The following EIF2AK4 variants were observed in gnomAD, a reference collection of about 807,000 sequenced individuals.
The protein encoded by EIF2AK4 is eIF-2-alpha kinase GCN2.
In EIF2AK4, 139 loss-of-function variants were observed where a neutral mutation model predicts 211.1. The observed-to-expected ratio is 0.66, with a 90% CI of 0.57 to 0.76. EIF2AK4 has a LOEUF of 0.76. Ranked by LOEUF, EIF2AK4 falls within the 30% of genes least tolerant of loss-of-function variation. The probability of loss-of-function intolerance (pLI) is 0.00; values close to 1 mark genes in which losing one functional copy is unlikely to be tolerated. For synonymous variants in EIF2AK4, 710 were observed against 751.3 expected (o/e 0.94, Z 0.90); for missense variants, 1,664 against 2,043.8 (o/e 0.81, Z 3.58).
At chr15:39,935,030 G>C (rs1386161089) in intron 1 of EIF2AK4, among the ~76,000 whole-genome samples, 2 of 152,062 alleles carry the variant, frequency 1.3e-5, no homozygotes, top group Non-Finnish European at 2.9e-5. Flanking sequence ...ACTAAGGATA[G>C]CTGATGACCT....
intron 32 of EIF2AK4, 42 bp downstream of exon 32, chr15:40,022,647 T>C: frequency 6.3e-7 from 1 of 1,575,774 alleles, no homozygotes; most frequent in Non-Finnish European, 8.7e-7. Flanking sequence ...TAGTTAGGTG[T>C]TACCTGTGGA....
chr15:39,988,817 A>G (rs76717407), intron 15 of EIF2AK4, among the ~76,000 whole-genome samples: 14,898 of 152,218 alleles, frequency 0.098, 862 homozygotes, highest in Middle Eastern at 0.24. Flanking sequence ...ACTGGTCAAC[A>G]TGGTGAAACC....
intron 32 of EIF2AK4, among the ~76,000 whole-genome samples, chr15:40,023,362 T>C (rs2035420354): frequency 6.6e-6 from 1 of 152,220 alleles, no homozygotes; most frequent in Admixed American, 6.5e-5. Flanking sequence ...TTTTTTGGTT[T>C]CGATATCAGG....
At chr15:39,973,224 G>T (rs1344732745) in intron 10 of EIF2AK4, among the ~76,000 whole-genome samples, 1 of 152,150 alleles carries the variant, frequency 6.6e-6, no homozygotes, top group Non-Finnish European at 1.5e-5. Flanking sequence ...AATGTCCATT[G>T]CTGTAGTCTC....
At chr15:40,018,353 G>A (rs150293770) in intron 29 of EIF2AK4, among the ~76,000 whole-genome samples, 12 of 152,088 alleles carry the variant, frequency 7.9e-5, no homozygotes, top group Non-Finnish European at 1.5e-4. Flanking sequence ...AGTTTCTTTG[G>A]ATTTATCCTG....
chr15:39,987,891 C>T (rs960066614), intron 14 of EIF2AK4, 92 bp from the exon 15 acceptor site: 116 of 1,434,992 alleles, frequency 8.1e-5, no homozygotes, highest in Middle Eastern at 1.8e-4. Flanking sequence ...CCATGGTACA[C>T]GTTTTAAAAT....
Position 40,032,236 on chromosome 15 carries a change from C to T in EIF2AK4, c.4727C>T (p.Ala1576Val), listed in dbSNP as rs768425554. Residue 1576 changes from alanine (A) to valine (V), a missense_variant and splice_region_variant, in exon 36 of 39, where the codon GCT (alanine) becomes GTT (valine). By Grantham distance (64) the Ala-to-Val change is moderately conservative. This residue lies in a region of EIF2AK4 where 138 missense variants were observed against 165.1 expected (regional missense o/e 0.84). Coordinates refer to ENST00000263791, the MANE Select transcript of EIF2AK4 (RefSeq NM_001013703.4). ...HQKSSEIEIL[A>V]VDLPKETILQ... ...AAAAGCAGTGAAATTGAAATTCTGG[C>T]TGTAAGTGGCTTTCTTTAGTATTTT... 1.2e-6 allele frequency: 2 copies of T among 1,614,006 alleles called. No individual in the cohort carries two copies. The highest frequency in any genetic ancestry group is 1.1e-5 in the South Asian group (1 of 91,084).
At chr15:39,943,984 T>G (rs147078700) in intron 3 of EIF2AK4, among the ~76,000 whole-genome samples, 1 of 148,236 alleles carries the variant, frequency 6.7e-6, no homozygotes, top group East Asian at 2.0e-4. Context: ...GAAGAAGAAT[T>G]TTTCTGAAAA....
rs1436230100 is a variant in EIF2AK4, at chr15:40,017,228, A to C, written c.4051A>C (p.Arg1351=). 3 of 1,613,358 alleles carry C rather than the reference A, an allele frequency of 1.9e-6. No individual in the cohort carries two copies. The highest frequency in any genetic ancestry group is 2.5e-6 in the Non-Finnish European group (3 of 1,179,392). Residue 1351 remains arginine, a synonymous_variant, in exon 29 of 39, where the codon AGA becomes CGA. Coordinates refer to ENST00000263791, the MANE Select transcript of EIF2AK4 (RefSeq NM_001013703.4). ...ACCTGAAATCCTCGCAGCTGGAGGC[A>C]GATATGACCTGCTGGTGAGGGCTTG... ...AVPEILAAGG[R]YDLLIPQFRG...
intron 3 of EIF2AK4, among the ~76,000 whole-genome samples, chr15:39,948,359 A>C (rs1198918660): frequency 6.6e-6 from 1 of 152,130 alleles, no homozygotes; most frequent in Non-Finnish European, 1.5e-5. Context: ...AAGGATCAGC[A>C]CTCTTTACCT....
intron 4 of EIF2AK4, among the ~76,000 whole-genome samples, chr15:39,952,030 C>T (rs2034325198): frequency 6.6e-6 from 1 of 152,146 alleles, no homozygotes; most frequent in Admixed American, 6.6e-5. Flanking sequence ...ACAAGTCAAT[C>T]CTACCCCTCC....
chr15:40,032,333 G>A (rs943749667), intron 36 of EIF2AK4, 96 bp downstream of exon 36: 3 of 1,006,656 alleles, frequency 3.0e-6, no homozygotes, highest in Non-Finnish European at 4.7e-6. Flanking sequence ...AGTGTCAGCA[G>A]AATTTGGATG....
At chr15:40,008,485 T>C (rs559513752) in intron 25 of EIF2AK4, among the ~76,000 whole-genome samples, 3 of 152,272 alleles carry the variant, frequency 2.0e-5, no homozygotes, top group East Asian at 3.9e-4. Flanking sequence ...GTTCATACCC[T>C]GTTTGGAACC....
At chr15:39,938,620 C>G (rs770700326) in intron 1 of EIF2AK4, among the ~76,000 whole-genome samples, 1 of 152,194 alleles carries the variant, frequency 6.6e-6, no homozygotes, top group Non-Finnish European at 1.5e-5. Context: ...ATCCCAGCAA[C>G]TTAGGATGGC....
Position 40,032,818 on chromosome 15 carries a change from CT to C in EIF2AK4, c.4773+19del. 1 of 1,606,890 alleles carries C rather than the reference CT, an allele frequency of 6.2e-7. No homozygotes were observed. Among genetic ancestry groups the C allele is most frequent in the Non-Finnish European group, 8.5e-7 (1 of 1,176,964 alleles). ...TCATTAGAGGTAAGCAATATGAACTCTTCTGCACTGTGGCCTTTAAGATCCC... is the reference window on the plus strand; with the variant it reads ...TCATTAGAGGTAAGCAATATGAACTCTCTGCACTGTGGCCTTTAAGATCCC... On this transcript the variant is annotated intron_variant, in intron 37 of 38. Coordinates refer to ENST00000263791, the MANE Select transcript of EIF2AK4 (RefSeq NM_001013703.4).
chr15:39,961,827 G>C lies in EIF2AK4; in HGVS notation c.787G>C (p.Gly263Arg). 6.2e-7 allele frequency: 1 copy of C among 1,614,160 alleles called. No individual in the cohort carries two copies. Among genetic ancestry groups the C allele is most frequent in the Non-Finnish European group, 8.5e-7 (1 of 1,180,018 alleles). ...TGTATGTAATAGTGAAGATTCTCCT[G>C]GCTCTTGTGAAATTCTGTATTTCAA... ...YSVCNSEDSP[G>R]SCEILYFNMG... is the part of the protein sequence containing the mutation. The change falls in exon 7 of 39, where the codon GGC becomes CGC. Residue 263 changes from glycine (G) to arginine (R), a missense_variant. By Grantham distance (125) the Gly-to-Arg change is moderately radical. Around this residue, in one of 7 missense-constraint regions of EIF2AK4, gnomAD observed 641 missense variants for 729.6 expected, o/e 0.88. Transcript: ENST00000263791.
chr15:39,999,044 G>C (rs2035059258), intron 20 of EIF2AK4, among the ~76,000 whole-genome samples: 1 of 151,618 alleles, frequency 6.6e-6, no homozygotes, highest in East Asian at 1.9e-4. Flanking sequence ...GTGCTATTTG[G>C]ACCCTTGGCT....
chr15:39,937,619 C>A (rs186533735), intron 1 of EIF2AK4, among the ~76,000 whole-genome samples: 1 of 151,804 alleles, frequency 6.6e-6, no homozygotes, highest in African/African-American at 2.4e-5. Flanking sequence ...TTTTTTTCCC[C>A]CTCTGTTCCA....
At chr15:39,995,383 C>T (rs1005180242) in intron 18 of EIF2AK4, among the ~76,000 whole-genome samples, 2 of 152,148 alleles carry the variant, frequency 1.3e-5, no homozygotes, top group Non-Finnish European at 2.9e-5. Flanking sequence ...AAGAGTATTG[C>T]TTGAAAATGT....
Sources: allele counts gnomAD v4.1 joint callset (sites outside exome capture counted in the v4.1 genomes callset), GRCh38; gene constraint gnomAD v4.1.1; regional missense constraint gnomAD v4.1.1; transcripts MANE v1.5; gene names NCBI Gene and HGNC (gene_info 2026-07-23, HGNC 2026-07-21).